The following PAK5 variants were observed in gnomAD, a reference collection of about 807,000 sequenced individuals.
PAK5 encodes the protein p21 (RAC1) activated kinase 5.
A neutral mutation model predicts 65.9 loss-of-function variants in PAK5; 16 were observed. That is an observed-to-expected ratio of 0.24 (90% confidence interval 0.16 to 0.37). The LOEUF (loss-of-function observed/expected upper bound fraction) is 0.37, where lower values mean the gene tolerates loss of function less well. Ranked by LOEUF, PAK5 falls within the 10% of genes least tolerant of loss-of-function variation. The pLI is 1.00. For synonymous variants in PAK5, 371 were observed against 354.9 expected (o/e 1.05, Z -0.51); for missense variants, 785 against 903.9 (o/e 0.87, Z 1.69).
intron 3 of PAK5, among the ~76,000 whole-genome samples, chr20:9,641,933 AGCACCGCATGCAGCCCCG>A (rs975515905): frequency 3.2e-4 from 49 of 152,218 alleles, no homozygotes; most frequent in South Asian, 1.4e-3. Flanking sequence ...CTGGCCCGCA[AGCACCGCATGCAGCCCCG>A]GTTCCCACTT....
At chr20:9,796,134 A>G (rs1280501084) in intron 1 of PAK5, among the ~76,000 whole-genome samples, 4 of 152,122 alleles carry the variant, frequency 2.6e-5, no homozygotes, top group Non-Finnish European at 5.9e-5. Flanking sequence ...AGACATTAAC[A>G]AAACAGCTAA....
chr20:9,744,898 T>A (rs1438867677), intron 1 of PAK5, among the ~76,000 whole-genome samples: 1 of 152,186 alleles, frequency 6.6e-6, no homozygotes, highest in Non-Finnish European at 1.5e-5. Flanking sequence ...AATCAGCTCA[T>A]TTTAACTATA....
chr20:9,750,336 G>A (rs148912077), intron 1 of PAK5, among the ~76,000 whole-genome samples: 359 of 152,146 alleles, frequency 2.4e-3, no homozygotes, highest in Non-Finnish European at 4.0e-3. Context: ...TAACATTGAC[G>A]AAGGAGGCTC....
At chr20:9,726,281 G>T (rs2048276548) in intron 1 of PAK5, among the ~76,000 whole-genome samples, 2 of 152,112 alleles carry the variant, frequency 1.3e-5, no homozygotes, top group Non-Finnish European at 2.9e-5. Context: ...GATCCTGTTT[G>T]GTGGGCCATT....
At chr20:9,652,735 A>G (rs1275225689) in intron 2 of PAK5, among the ~76,000 whole-genome samples, 1 of 152,188 alleles carries the variant, frequency 6.6e-6, no homozygotes, top group Non-Finnish European at 1.5e-5. Context: ...GTGTAGAAAC[A>G]GCTGTAACCC....
chr20:9,776,514 A>T (rs1600361063), intron 1 of PAK5, among the ~76,000 whole-genome samples: 1 of 152,172 alleles, frequency 6.6e-6, no homozygotes. Context: ...CTAGGTGTGA[A>T]CTGGACTTAG....
At chr20:9,773,233 G>A (rs1201160924) in intron 1 of PAK5, among the ~76,000 whole-genome samples, 1 of 152,052 alleles carries the variant, frequency 6.6e-6, no homozygotes, top group Non-Finnish European at 1.5e-5. Context: ...TTCTCTTTAA[G>A]TTCTTTTTTT....
chr20:9,548,409 G>C (rs1011008113), intron 7 of PAK5, among the ~76,000 whole-genome samples: 2 of 151,512 alleles, frequency 1.3e-5, no homozygotes, highest in African/African-American at 4.9e-5. Context: ...TTAAGTTTTA[G>C]GGTACATGTG....
At chr20:9,817,108 C>T (rs908066941) in intron 1 of PAK5, among the ~76,000 whole-genome samples, 2 of 151,868 alleles carry the variant, frequency 1.3e-5, no homozygotes, top group African/African-American at 4.8e-5. Flanking sequence ...ATAGTGAGAT[C>T]CTGTCTCTAA....
intron 1 of PAK5, among the ~76,000 whole-genome samples, chr20:9,722,489 G>A (rs1872038241): frequency 6.6e-6 from 1 of 152,012 alleles, no homozygotes; most frequent in Non-Finnish European, 1.5e-5. Context: ...GCGGGCGCCT[G>A]TAGTCCCAGC....
At chr20:9,722,592 G>T (rs916558586) in intron 1 of PAK5, among the ~76,000 whole-genome samples, 2 of 151,966 alleles carry the variant, frequency 1.3e-5, no homozygotes, top group Admixed American at 6.5e-5. Flanking sequence ...AGCCTGGGGG[G>T]ACAGAGCGAG....
At chr20:9,746,211 C>A (rs2123601704) in intron 1 of PAK5, among the ~76,000 whole-genome samples, 1 of 152,202 alleles carries the variant, frequency 6.6e-6, no homozygotes, top group Non-Finnish European at 1.5e-5. Flanking sequence ...CTGCCCTGCC[C>A]CACACACCCT....
intron 3 of PAK5, among the ~76,000 whole-genome samples, chr20:9,612,695 C>T (rs219851): frequency 0.36 from 54,293 of 151,872 alleles, 11,885 homozygotes; most frequent in South Asian, 0.63. Context: ...TACAATGCAA[C>T]ATGAGATTTG....
intron 2 of PAK5, among the ~76,000 whole-genome samples, chr20:9,658,216 AC>A (rs2047295736): frequency 6.6e-6 from 1 of 152,208 alleles, no homozygotes; most frequent in Non-Finnish European, 1.5e-5. Flanking sequence ...ACTTAAAATG[AC>A]AACCATTTAT....
intron 2 of PAK5, among the ~76,000 whole-genome samples, chr20:9,669,950 A>C (rs1258757821): frequency 1.3e-5 from 2 of 151,194 alleles, no homozygotes; most frequent in Admixed American, 6.6e-5. Flanking sequence ...CAGTCCCCAG[A>C]GTGTGATGTT....
chr20:9,759,871 C>G (rs1003598935), intron 1 of PAK5, among the ~76,000 whole-genome samples: 2 of 152,152 alleles, frequency 1.3e-5, no homozygotes, highest in African/African-American at 4.8e-5. Flanking sequence ...ACATTCAAGT[C>G]GTAACATATA....
At chr20:9,651,133 T>C (rs1291815199) in intron 2 of PAK5, among the ~76,000 whole-genome samples, 6 of 152,174 alleles carry the variant, frequency 3.9e-5, no homozygotes, top group African/African-American at 1.4e-4. Context: ...TGAATCTGAG[T>C]CCTGCTACAT....
chr20:9,756,539 T>G (rs2048636261), intron 1 of PAK5, among the ~76,000 whole-genome samples: 1 of 152,070 alleles, frequency 6.6e-6, no homozygotes, highest in African/African-American at 2.4e-5. Context: ...AAATATGAAA[T>G]GCGTTGTAAA....
Position 9,815,575 on chromosome 20 carries a change from G to C in PAK5, c.-162+23187C>G, listed in dbSNP as rs993045946. Among the ~76,000 whole-genome samples the C allele has an allele frequency of 2.6e-5, 4 of 152,000 alleles. 1 individual carries two copies. In the South Asian group the frequency reaches 8.3e-4, roughly 32 times the overall value. ...TTTCACTTGTCAAACTGTCGTTCAG[G>C]TATAATTTTGCAATGGTCCCGTCGG... On this transcript the variant is annotated intron_variant, in intron 1 of 9. Transcript: ENST00000353224.
Sources: gnomAD v4.1 joint callset for allele counts (sites outside exome capture counted in the v4.1 genomes callset) on GRCh38, gnomAD v4.1.1 for gene constraint, MANE v1.5 for transcripts, NCBI Gene and HGNC (gene_info 2026-07-23, HGNC 2026-07-21) for gene names.